DNPEP: variants seen among roughly 807,000 people sequenced by gnomAD.
The protein encoded by DNPEP is aspartyl aminopeptidase.
Under a neutral mutation model 59.1 loss-of-function variants are expected in DNPEP, and 46 were observed. That is an observed-to-expected ratio of 0.78 (90% CI 0.61 to 0.99). The LOEUF (loss-of-function observed/expected upper bound fraction) is 0.99, where lower values mean the gene tolerates loss of function less well. Among genes scored for constraint, DNPEP ranks in the 50% least tolerant of loss-of-function variants. DNPEP has a pLI of 0.00. For synonymous variants in DNPEP, 229 were observed against 242.2 expected (o/e 0.95, Z 0.50); for missense variants, 617 against 649.9 (o/e 0.95, Z 0.55).
In DNPEP at chr2:219,373,955, AT is replaced by A; in HGVS notation, c.*336del. ...GGAAAGAGGGAAGACCGTTGAGGCC[AT>A]TTCCCAGGTGGAGGACTAGGGGTGG... On this transcript the variant is annotated 3_prime_UTR_variant, in exon 15 of 15. Coordinates refer to ENST00000273075, the MANE Select transcript of DNPEP (RefSeq NM_012100.4). 3.4e-6 allele frequency: 1 copy of A among 298,372 alleles called. No homozygotes were observed. 18.5% of individuals were successfully genotyped at this position (298,372 alleles called of 1,614,324 possible). A position where few individuals can be genotyped will look rare whatever the true frequency, so the allele number is the denominator to read the frequency against.
intron 1 of DNPEP, 132 bp from the exon 2 acceptor site, chr2:219,387,295 C>CGA: frequency 1.4e-6 from 2 of 1,421,920 alleles, no homozygotes; most frequent in Non-Finnish European, 1.8e-6. Context: ...TCCGCCCGTC[C>CGA]CCACCGAGAG....
intron 1 of DNPEP, among the ~76,000 whole-genome samples, chr2:219,394,689 C>T (rs1386428143): frequency 6.6e-6 from 1 of 152,212 alleles, no homozygotes; most frequent in African/African-American, 2.4e-5. Flanking sequence ...CATACCCTGA[C>T]AATTGTCAAA....
chr2:219,376,930 C>T (rs949170596), intron 13 of DNPEP, among the ~76,000 whole-genome samples: 12 of 152,092 alleles, frequency 7.9e-5, no homozygotes, highest in African/African-American at 2.9e-4. Flanking sequence ...ACCCAGATAT[C>T]ATGTGTGTGA....
chr2:219,387,042 C>T, intron 2 of DNPEP, 28 bp downstream of exon 2: 1 of 1,611,864 alleles, frequency 6.2e-7, no homozygotes, highest in Non-Finnish European at 8.5e-7. Flanking sequence ...AGCCTCCACC[C>T]TCCTCCCTTG....
At chr2:219,382,945 C>T (rs1387234685) in intron 10 of DNPEP, among the ~76,000 whole-genome samples, 186 bp downstream of exon 10, 3 of 152,164 alleles carry the variant, frequency 2.0e-5, no homozygotes, top group Admixed American at 2.0e-4. Context: ...ACAGGAGAGA[C>T]GGTCACCCTC....
chr2:219,393,913 AC>A (rs1462820012), intron 1 of DNPEP, among the ~76,000 whole-genome samples: 1 of 151,102 alleles, frequency 6.6e-6, no homozygotes, highest in African/African-American at 2.4e-5. Context: ...ACAAGATTCC[AC>A]CCCTCTTGCT....
At chr2:219,393,157 GCTAAAAACCTTT>G (rs1415952029), upstream of DNPEP, among the ~76,000 whole-genome samples, 1 of 152,130 alleles carries the variant, frequency 6.6e-6, no homozygotes, top group Admixed American at 6.6e-5. Context: ...TAACTGATGA[GCTAAAAACCTTT>G]CAAAAAAATC....
chr2:219,381,679 A>G, intron 11 of DNPEP, 95 bp from the exon 12 acceptor site: 1 of 1,372,008 alleles, frequency 7.3e-7, no homozygotes, highest in South Asian at 1.2e-5. Flanking sequence ...ATAGATCACC[A>G]CTCTTTCCCG....
chr2:219,374,913 T>C lies in DNPEP; in HGVS notation c.1349A>G (p.His450Arg). 1.2e-6 allele frequency: 2 copies of C among 1,613,888 alleles called. No individual in the cohort carries two copies. The highest frequency in any genetic ancestry group is 2.2e-5 in the South Asian group (2 of 91,064). Reference protein sequence around the residue: ...LDLGSPQLAMHSIREMACTTG... With the variant: ...LDLGSPQLAMRSIREMACTTG... ...GGTGCAGGCCATCTCCCGGATAGAGTGCATGGCCAGTTGGGGGCTGCCTAA... is the reference window on the plus strand; with the variant it reads ...GGTGCAGGCCATCTCCCGGATAGAGCGCATGGCCAGTTGGGGGCTGCCTAA... Residue 450 changes from histidine (H) to arginine (R), a missense_variant, in exon 14 of 15, where the codon CAC becomes CGC. His to Arg is a conservative substitution (Grantham distance 29). Coordinates refer to ENST00000273075, the MANE Select transcript of DNPEP (RefSeq NM_012100.4).
chr2:219,383,146 G>C lies in DNPEP; in HGVS notation c.921C>G (p.Leu307=), dbSNP rs1466393728. Residue 307 remains leucine (L), a synonymous_variant, in exon 10 of 15, where the codon CTC becomes CTG. Coordinates refer to ENST00000273075, the MANE Select transcript of DNPEP (RefSeq NM_012100.4). ...CTCCACGTACCTCTTCGTTGTCATAGAGTGTGACCATGCGCACGTGAGGCT... is the reference window on the plus strand; with the variant it reads ...CTCCACGTACCTCTTCGTTGTCATACAGTGTGACCATGCGCACGTGAGGCT... The part of the protein sequence containing the change: ...ATEPHVRMVT[L]YDNEEVGSES... The C allele has an allele frequency of 6.2e-7, 1 of 1,614,016 alleles. No homozygotes were observed. Among genetic ancestry groups the C allele is most frequent in the Non-Finnish European group, 8.5e-7 (1 of 1,179,978 alleles).
chr2:219,399,275 T>C (rs915990308), intron 1 of DNPEP, among the ~76,000 whole-genome samples: 2 of 152,210 alleles, frequency 1.3e-5, no homozygotes, highest in Non-Finnish European at 2.9e-5. Context: ...TTTTCATCAG[T>C]AATAAAAATA....
rs191688931 is a variant in DNPEP, at chr2:219,373,310, C to T, written c.*982G>A. ...CTTGAACTCCCGACCTCAGGTGATC[C>T]GCCCACCTCAGCCTCCTAAAGTGCT... On this transcript the variant is annotated 3_prime_UTR_variant, in exon 15 of 15. Transcript: ENST00000273075. Among the ~76,000 whole-genome samples the T allele has an allele frequency of 7.2e-5, 11 of 151,966 alleles. No individual in the cohort carries two copies. Among genetic ancestry groups the T allele is most frequent in the East Asian group, 1.9e-4 (1 of 5,146 alleles).
intron 1 of DNPEP, chr2:219,399,766 T>C (rs913569801): frequency 2.4e-5 from 23 of 963,784 alleles, no homozygotes; most frequent in Non-Finnish European, 3.4e-5. Context: ...TTCATCTCTT[T>C]ATCCCCATAA....
At chr2:219,393,749 C>G (rs1000634587), upstream of DNPEP, 2 of 152,236 alleles carry the variant, frequency 1.3e-5, no homozygotes, top group African/African-American at 4.8e-5. Flanking sequence ...TCCCATTTTA[C>G]TGTGAAAATA....
At chr2:219,385,286 G>A in intron 8 of DNPEP, 138 bp downstream of exon 8, 2 of 614,110 alleles carry the variant, frequency 3.3e-6, no homozygotes, top group Non-Finnish European at 5.9e-6. Flanking sequence ...AAGCAGTGGG[G>A]GATGTGTCTA....
chr2:219,376,634 T>C (rs1953385475), intron 13 of DNPEP, among the ~76,000 whole-genome samples: 1 of 152,188 alleles, frequency 6.6e-6, no homozygotes, highest in Non-Finnish European at 1.5e-5. Flanking sequence ...TATTCCATGA[T>C]AACCAAAGAA....
At position 219,373,193 on chromosome 2, in the gene DNPEP, G is replaced by A. The variant is rs1434378244; in HGVS notation, c.*1099C>T. ...AAGCGATTCTCCTGCCTCAGCCTCC[G>A]GAGTGGCTGAGATTACAGGCATGTG... On this transcript the variant is annotated 3_prime_UTR_variant, in exon 15 of 15. Coordinates refer to ENST00000273075, the MANE Select transcript of DNPEP (RefSeq NM_012100.4). 2.0e-4 allele frequency among the ~76,000 whole-genome samples: 9 copies of A among 45,096 alleles called. No individual in the cohort carries two copies. The highest frequency in any genetic ancestry group is 4.8e-4 in the Admixed American group (2 of 4,142). The allele number at this position is 45,096 out of a possible 152,430, so 29.6% of individuals were successfully genotyped here.
In DNPEP at chr2:219,387,091, G is replaced by T; in HGVS notation, c.109C>A (p.Arg37=). The T allele has an allele frequency of 6.3e-7, 1 of 1,595,816 alleles. No homozygotes were observed. Among genetic ancestry groups the T allele is most frequent in the South Asian group, 1.1e-5 (1 of 89,156 alleles). The change falls in exon 2 of 15, where the codon CGG becomes AGG. Residue 37 remains arginine, a synonymous_variant. Transcript: ENST00000273075. The part of the protein sequence containing the change: ...AAKELLKFVN[R]SPSPFHAVAE... ...TTACCATGGAAAGGAGAGGGACTCC[G>T]GTTCACGAACTTGAGGAGTTCCTTA...
intron 1 of DNPEP, 39 bp downstream of exon 1, chr2:219,387,720 G>A (rs753365854): frequency 2.5e-6 from 4 of 1,607,662 alleles, no homozygotes; most frequent in Non-Finnish European, 3.4e-6. Flanking sequence ...GACCCGGTCT[G>A]GGATCGAAAT....
Sources: gnomAD v4.1 joint callset for allele counts (sites outside exome capture counted in the v4.1 genomes callset) on GRCh38, gnomAD v4.1.1 for gene constraint, MANE v1.5 for transcripts, NCBI Gene and HGNC (gene_info 2026-07-23, HGNC 2026-07-21) for gene names.